WAC: variants seen among roughly 807,000 people sequenced by gnomAD.
The protein encoded by WAC is WW domain containing adaptor with coiled-coil, also known as WW domain-containing adapter protein with coiled-coil.
A neutral mutation model predicts 79.6 loss-of-function variants in WAC; 11 were observed. The observed-to-expected ratio is 0.14, with a 90% CI of 0.09 to 0.23. The LOEUF is 0.23. Among genes scored for constraint, WAC ranks in the 10% least tolerant of loss-of-function variants. WAC has a pLI of 1.00. For synonymous variants in WAC, 304 were observed against 276.9 expected (o/e 1.10, Z -0.97); for missense variants, 728 against 773.5 (o/e 0.94, Z 0.70).
At chr10:28,600,001 T>C (rs1224184203) in intron 7 of WAC, among the ~76,000 whole-genome samples, 1 of 152,194 alleles carries the variant, frequency 6.6e-6, no homozygotes, top group Non-Finnish European at 1.5e-5. Flanking sequence ...CCATCCCTTC[T>C]AGATTGGTGA....
intron 7 of WAC, among the ~76,000 whole-genome samples, chr10:28,603,791 G>A (rs1206804571): frequency 2.0e-5 from 3 of 151,126 alleles, no homozygotes; most frequent in South Asian, 2.1e-4. Context: ...AAAATTAGCC[G>A]GTCGAGGTGG....
At chr10:28,545,932 C>G (rs962968601) in intron 3 of WAC, among the ~76,000 whole-genome samples, 1 of 152,212 alleles carries the variant, frequency 6.6e-6, no homozygotes, top group African/African-American at 2.4e-5. Flanking sequence ...TGGTAAATTT[C>G]ATTTAGCTTT....
chr10:28,536,836 A>G (rs1836705927), intron 3 of WAC, among the ~76,000 whole-genome samples: 1 of 152,234 alleles, frequency 6.6e-6, no homozygotes, highest in Admixed American at 6.5e-5. Flanking sequence ...TCTCTCCTAC[A>G]TGTTGCTTAA....
rs1281604197 is a variant in WAC at position 28,622,523 on chromosome 10, TAC to T, written c.*2919_*2920del. The T allele has an allele frequency of 7.5e-5, 11 of 147,092 alleles. No homozygotes were observed. The highest frequency in any genetic ancestry group is 1.5e-4 in the Non-Finnish European group (10 of 67,342). 9.1% of individuals were successfully genotyped at this position (147,092 alleles called of 1,614,324 possible). ...AACAATATATTTGATGAAAGAAGGTTACAGACTCCCCTGAAGAACCAGCTTTC... is the reference window on the plus strand; with the variant it reads ...AACAATATATTTGATGAAAGAAGGTTAGACTCCCCTGAAGAACCAGCTTTC... On this transcript the variant is annotated 3_prime_UTR_variant, in exon 14 of 14. Transcript: ENST00000354911.
chr10:28,546,481 T>C (rs1223601335), intron 3 of WAC, among the ~76,000 whole-genome samples: 5 of 152,318 alleles, frequency 3.3e-5, no homozygotes, highest in Non-Finnish European at 7.3e-5. Flanking sequence ...GTTTCTGTTC[T>C]GCTGCCTGCT....
At chr10:28,540,967 G>A (rs1692867834) in intron 3 of WAC, among the ~76,000 whole-genome samples, 1 of 152,002 alleles carries the variant, frequency 6.6e-6, no homozygotes. Context: ...CAAGTCATTT[G>A]TCTTACGCTT....
intron 3 of WAC, among the ~76,000 whole-genome samples, chr10:28,563,094 A>T (rs1838387062): frequency 6.6e-6 from 1 of 152,128 alleles, no homozygotes; most frequent in East Asian, 1.9e-4. Context: ...TTGTAGAGAT[A>T]GGGTTTCACC....
intron 3 of WAC, among the ~76,000 whole-genome samples, chr10:28,537,296 G>C (rs1244219214): frequency 2.6e-5 from 4 of 152,146 alleles, no homozygotes; most frequent in African/African-American, 9.7e-5. Context: ...GTTTTCCATA[G>C]TATTATGTAA....
intron 3 of WAC, among the ~76,000 whole-genome samples, chr10:28,547,113 A>G (rs1487008378): frequency 6.6e-6 from 1 of 152,146 alleles, no homozygotes; most frequent in Non-Finnish European, 1.5e-5. Context: ...ATTATGTAGT[A>G]TGTCTTTTGT....
intron 8 of WAC, chr10:28,608,636 G>A: frequency 1.8e-6 from 1 of 566,392 alleles, no homozygotes; most frequent in South Asian, 2.3e-5. Flanking sequence ...TGAGTTAGTG[G>A]TGCTTGGATC....
chr10:28,597,219 T>G (rs1409492891), intron 7 of WAC, among the ~76,000 whole-genome samples: 1 of 152,132 alleles, frequency 6.6e-6, no homozygotes, highest in Non-Finnish European at 1.5e-5. Context: ...GTACCAAAAT[T>G]CATACATAAA....
chr10:28,591,970 C>T (rs940279449), intron 6 of WAC: 14 of 151,878 alleles, frequency 9.2e-5, no homozygotes, highest in African/African-American at 3.4e-4. Flanking sequence ...GCTCCTATAA[C>T]TCAAACCAAA....
chr10:28,604,454 C>T (rs564715718), intron 7 of WAC, among the ~76,000 whole-genome samples: 2 of 151,896 alleles, frequency 1.3e-5, no homozygotes, highest in Non-Finnish European at 2.9e-5. Flanking sequence ...CAACAAGGCC[C>T]GGCGTGGTGG....
At chr10:28,585,334 G>A (rs1004912139) in intron 4 of WAC, among the ~76,000 whole-genome samples, 7 of 151,952 alleles carry the variant, frequency 4.6e-5, no homozygotes, top group African/African-American at 1.7e-4. Context: ...TAACAACGGC[G>A]GCTGCTCCTT....
chr10:28,597,066 G>A (rs12251195), intron 7 of WAC, among the ~76,000 whole-genome samples: 3,478 of 152,012 alleles, frequency 0.023, 145 homozygotes, highest in African/African-American at 0.078. Context: ...CATGTTATAT[G>A]CATGTAATAC....
chr10:28,580,187 T>C (rs955766114), intron 3 of WAC, among the ~76,000 whole-genome samples: 2 of 152,230 alleles, frequency 1.3e-5, no homozygotes, highest in African/African-American at 4.8e-5. Context: ...TTGATGCTTA[T>C]GACTTGATTA....
At chr10:28,546,140 A>T (rs1342971171) in intron 3 of WAC, among the ~76,000 whole-genome samples, 1 of 152,192 alleles carries the variant, frequency 6.6e-6, no homozygotes, top group South Asian at 2.1e-4. Context: ...ACTTTGTATG[A>T]CAGTGCCAAA....
intron 3 of WAC, chr10:28,535,996 A>G (rs1836645688): frequency 7.2e-6 from 2 of 279,126 alleles, no homozygotes; most frequent in South Asian, 1.7e-4. Context: ...TAATCTCAGC[A>G]CTTGGGAGGC....
chr10:28,582,296 A>C (rs752425309), intron 3 of WAC, among the ~76,000 whole-genome samples: 9 of 152,184 alleles, frequency 5.9e-5, no homozygotes, highest in African/African-American at 1.7e-4. Flanking sequence ...ATCCACATCT[A>C]CTTAACACCT....
Sources: gnomAD v4.1 joint callset for allele counts (sites outside exome capture counted in the v4.1 genomes callset) on GRCh38, gnomAD v4.1.1 for gene constraint, MANE v1.5 for transcripts, NCBI Gene and HGNC (gene_info 2026-07-23, HGNC 2026-07-21) for gene names.